Variants in GPHN observed in about 807,000 individuals in gnomAD.
GPHN encodes gephyrin.
A neutral mutation model predicts 95.5 loss-of-function variants in GPHN; 17 were observed. That is an observed-to-expected ratio of 0.18 (90% CI 0.12 to 0.27). GPHN has a LOEUF of 0.27. GPHN is among the 10% of genes least tolerant of loss of function. The pLI is 1.00. For synonymous variants in GPHN, 320 were observed against 322.5 expected, an observed-to-expected ratio of 0.99 and a Z score of 0.08; for missense variants, 660 against 978.1, an observed-to-expected ratio of 0.67 and a Z score of 4.34.
chr14:66,932,471 T>G (rs1442604533), intron 8 of GPHN, among the ~76,000 whole-genome samples: 6 of 138,088 alleles, frequency 4.3e-5, no homozygotes, highest in African/African-American at 1.6e-4. Context: ...TTTTTTTTTT[T>G]TTTTTTTTTC....
At chr14:66,695,483 T>G (rs1438324507) in intron 2 of GPHN, among the ~76,000 whole-genome samples, 2 of 152,236 alleles carry the variant, frequency 1.3e-5, no homozygotes, top group Admixed American at 1.3e-4. Flanking sequence ...TTTTTTAACA[T>G]GCATTCCAGC....
the GPHN span, among the ~76,000 whole-genome samples, chr14:67,330,539 A>G: frequency 6.7e-6 from 1 of 149,296 alleles, no homozygotes; most frequent in African/African-American, 2.5e-5. Context: ...GCTCACTGCA[A>G]CCTCTGCCTC....
chr14:67,392,700 C>T, the GPHN span: 8 of 1,614,104 alleles, frequency 5.0e-6, no homozygotes, highest in South Asian at 1.1e-5. Flanking sequence ...AGGAACTGCT[C>T]GGCCAGATCC....
At chr14:66,607,028 G>A (rs1027535555) in intron 1 of GPHN, among the ~76,000 whole-genome samples, 3 of 152,108 alleles carry the variant, frequency 2.0e-5, no homozygotes, top group Non-Finnish European at 4.4e-5. Flanking sequence ...TAGTTCTCAA[G>A]GAGAATGACT....
intron 1 of GPHN, among the ~76,000 whole-genome samples, chr14:66,573,031 A>G (rs1253843458): frequency 6.6e-6 from 1 of 152,134 alleles, no homozygotes; most frequent in African/African-American, 2.4e-5. Context: ...GTTTCCTACC[A>G]CATTTCATAT....
chr14:66,629,127 A>G (rs1368056525), intron 1 of GPHN, among the ~76,000 whole-genome samples: 2 of 138,252 alleles, frequency 1.4e-5, no homozygotes, highest in Middle Eastern at 3.3e-3. Flanking sequence ...ATAAATATGT[A>G]TATAAATATA....
At chr14:67,664,916 G>C in the GPHN span, among the ~76,000 whole-genome samples, 1 of 152,274 alleles carries the variant, frequency 6.6e-6, no homozygotes, top group African/African-American at 2.4e-5. Context: ...GCCCAGGCTG[G>C]AGTGCCGTGG....
chr14:67,707,907 A>G, the GPHN span, among the ~76,000 whole-genome samples: 631 of 152,266 alleles, frequency 4.1e-3, 5 homozygotes, highest in African/African-American at 0.014. Flanking sequence ...TAAGAGGCCA[A>G]TTTTTCCAAG....
chr14:67,631,434 C>CT, the GPHN span, among the ~76,000 whole-genome samples: 899 of 113,086 alleles, frequency 7.9e-3, 11 homozygotes, highest in African/African-American at 9.1e-3. Context: ...TTCTTTCTTT[C>CT]TTTTTTTTTT....
intron 1 of GPHN, among the ~76,000 whole-genome samples, chr14:66,674,696 C>G (rs2066490227): frequency 6.6e-6 from 1 of 152,152 alleles, no homozygotes; most frequent in African/African-American, 2.4e-5. Context: ...TACGACACAT[C>G]ATTCTCTTTA....
intron 12 of GPHN, among the ~76,000 whole-genome samples, chr14:67,097,725 G>A (rs1172708648): frequency 6.6e-6 from 1 of 151,686 alleles, no homozygotes; most frequent in Non-Finnish European, 1.5e-5. Flanking sequence ...TTCTTAATTT[G>A]TATTTATATA....
chr14:67,069,286 A>C (rs1224873611), intron 11 of GPHN, among the ~76,000 whole-genome samples: 1 of 152,170 alleles, frequency 6.6e-6, no homozygotes, highest in Non-Finnish European at 1.5e-5. Flanking sequence ...TACTCTCCTA[A>C]CATGGGGATT....
the GPHN span, chr14:67,593,664 T>A: frequency 1.3e-6 from 1 of 796,768 alleles, no homozygotes; most frequent in Non-Finnish European, 2.2e-6. Flanking sequence ...TTTACGGTTT[T>A]AGTTTAAATC....
chr14:66,638,805 C>G (rs1240665287), intron 1 of GPHN, among the ~76,000 whole-genome samples: 4 of 151,632 alleles, frequency 2.6e-5, no homozygotes, highest in African/African-American at 9.7e-5. Flanking sequence ...AATCAGATAT[C>G]AGGGCTCTAA....
intron 1 of GPHN, among the ~76,000 whole-genome samples, chr14:66,642,821 A>G (rs1349192599): frequency 2.0e-5 from 3 of 152,066 alleles, no homozygotes; most frequent in Non-Finnish European, 2.9e-5. Context: ...ATGCTTATTG[A>G]CATACATAAA....
At chr14:66,746,502 G>C (rs2058155709) in intron 2 of GPHN, among the ~76,000 whole-genome samples, 1 of 152,118 alleles carries the variant, frequency 6.6e-6, no homozygotes, top group Admixed American at 6.6e-5. Context: ...TCTGGGACCA[G>C]CTTGTAGATC....
chr14:66,725,633 G>A (rs1295387787), intron 2 of GPHN, among the ~76,000 whole-genome samples: 5 of 152,078 alleles, frequency 3.3e-5, no homozygotes, highest in Non-Finnish European at 7.4e-5. Context: ...ACAGGTGCAC[G>A]CCACCACGCC....
At chr14:67,065,375 C>T (rs112165547) in intron 11 of GPHN, among the ~76,000 whole-genome samples, 4,130 of 152,146 alleles carry the variant, frequency 0.027, 63 homozygotes, top group Middle Eastern at 0.034. Flanking sequence ...TTTTAGAATA[C>T]GTGCAATGTG....
intron 6 of GPHN, among the ~76,000 whole-genome samples, chr14:66,918,913 T>A (rs1488805957): frequency 6.6e-6 from 1 of 152,222 alleles, no homozygotes; most frequent in Non-Finnish European, 1.5e-5. Flanking sequence ...CCAAAAATTT[T>A]TAAGATTTTT....
Sources: gnomAD v4.1 joint callset for allele counts (sites outside exome capture counted in the v4.1 genomes callset) on GRCh38, gnomAD v4.1.1 for gene constraint, MANE v1.5 for transcripts, NCBI Gene and HGNC (gene_info 2026-07-23, HGNC 2026-07-21) for gene names.